CACNA1D: variants seen among roughly 807,000 people sequenced by gnomAD.
CACNA1D encodes the protein voltage-dependent L-type calcium channel subunit alpha-1D.
Under a neutral mutation model 257.1 loss-of-function variants are expected in CACNA1D, and 55 were observed. That is an observed-to-expected ratio of 0.21 (90% CI 0.17 to 0.27). The LOEUF is 0.27. Among genes scored for constraint, CACNA1D ranks in the 10% least tolerant of loss-of-function variants. CACNA1D has a pLI of 1.00. For missense variants in CACNA1D, 1,876 were observed against 2,784.0 expected, an observed-to-expected ratio of 0.67 and a Z score of 7.34; for synonymous variants, 980 against 1,014.9, an observed-to-expected ratio of 0.97 and a Z score of 0.65.
At chr3:53,686,969 T>C (rs1295248597) in intron 8 of CACNA1D, among the ~76,000 whole-genome samples, 1 of 151,994 alleles carries the variant, frequency 6.6e-6, no homozygotes. Flanking sequence ...GTATACAAAA[T>C]TCCATTTTAT....
At position 53,764,472 on chromosome 3, in the gene CACNA1D, G is replaced by A. The variant is rs367911965; in HGVS notation, c.3870+2391G>A. On this transcript the variant is annotated intron_variant, in intron 30 of 47. Transcript: ENST00000350061. ...CTCCCTGGACTGCTCAGCACTTCAA[G>A]TGCTGTGCAGGTGGTGGGTGTAAAC... 1.5e-4 allele frequency among the ~76,000 whole-genome samples: 23 copies of A among 152,360 alleles called. No individual in the cohort carries two copies. In the South Asian group the frequency reaches 4.6e-3, roughly 30 times the overall value.
intron 4 of CACNA1D, among the ~76,000 whole-genome samples, chr3:53,653,517 TAAAA>T (rs904574532): frequency 2.7e-5 from 4 of 150,398 alleles, no homozygotes; most frequent in Non-Finnish European, 5.9e-5. Flanking sequence ...TGGGACAATA[TAAAA>T]AAAAACAAAT....
intron 2 of CACNA1D, among the ~76,000 whole-genome samples, chr3:53,498,172 C>T (rs2090431194): frequency 6.6e-6 from 1 of 152,190 alleles, no homozygotes. Context: ...CCTCTTCCTC[C>T]TGGGCCCTTA....
At chr3:53,696,152 G>C (rs1031895615) in intron 8 of CACNA1D, among the ~76,000 whole-genome samples, 2 of 152,126 alleles carry the variant, frequency 1.3e-5, no homozygotes, top group Non-Finnish European at 2.9e-5. Flanking sequence ...TTATTTTGTA[G>C]AGATGGGGTC....
At position 53,803,553 on chromosome 3, in the gene CACNA1D, A is replaced by C; in HGVS notation, c.5566A>C (p.Ser1856Arg). The C allele has an allele frequency of 6.2e-7, 1 of 1,614,136 alleles. No homozygotes were observed. The change falls in exon 44 of 48, where the codon AGC (serine) becomes CGC (arginine). Residue 1856 changes from serine to arginine, a missense_variant. Ser to Arg is a moderately radical substitution (Grantham distance 110). Around this residue, in one of 10 missense-constraint regions of CACNA1D, gnomAD observed 491 missense variants for 554.3 expected, o/e 0.89. Transcript: ENST00000350061. ...FSSEECYEDDSSPTWSRQNYG... is the reference protein window; with the variant it reads ...FSSEECYEDDRSPTWSRQNYG... ...TAGTGAGGAATGCTACGAGGATGACAGCTCGCCCACCTGGAGCAGGTGAGC... is the reference window on the plus strand; with the variant it reads ...TAGTGAGGAATGCTACGAGGATGACCGCTCGCCCACCTGGAGCAGGTGAGC...
chr3:53,731,219 A>G (rs778371860), intron 17 of CACNA1D, 73 bp downstream of exon 17: 1 of 949,112 alleles, frequency 1.1e-6, no homozygotes, highest in Non-Finnish European at 1.7e-6. Flanking sequence ...TGTACCATTT[A>G]CACTGTGGAA....
chr3:53,788,894 T>C (rs943522967), intron 40 of CACNA1D, among the ~76,000 whole-genome samples: 1 of 152,176 alleles, frequency 6.6e-6, no homozygotes, highest in African/African-American at 2.4e-5. Context: ...TCATTTATAC[T>C]TTTTCTGAAC....
intron 8 of CACNA1D, among the ~76,000 whole-genome samples, chr3:53,691,175 G>C (rs1428216859): frequency 6.6e-6 from 1 of 151,140 alleles, no homozygotes; most frequent in Non-Finnish European, 1.5e-5. Context: ...GGGGGAGATG[G>C]AGTCTTGCTC....
At chr3:53,721,212 A>C (rs2094879624) in intron 11 of CACNA1D, among the ~76,000 whole-genome samples, 1 of 152,242 alleles carries the variant, frequency 6.6e-6, no homozygotes, top group Admixed American at 6.5e-5. Context: ...GAGTAATAAT[A>C]AAATACACCT....
chr3:53,750,019 G>A (rs1395172279), intron 27 of CACNA1D, among the ~76,000 whole-genome samples: 1 of 152,186 alleles, frequency 6.6e-6, no homozygotes, highest in African/African-American at 2.4e-5. Context: ...AGTGTCCTTT[G>A]GGGGGCAAAG....
intron 9 of CACNA1D, among the ~76,000 whole-genome samples, chr3:53,707,690 A>G (rs2094705268): frequency 6.6e-6 from 1 of 152,122 alleles, no homozygotes; most frequent in African/African-American, 2.4e-5. Flanking sequence ...TTTTTTAGAC[A>G]TATGCAGCTG....
intron 3 of CACNA1D, among the ~76,000 whole-genome samples, chr3:53,574,153 G>A (rs767456217): frequency 2.0e-5 from 3 of 152,188 alleles, no homozygotes; most frequent in Non-Finnish European, 4.4e-5. Context: ...CACGTTTCAG[G>A]TTGCCTCTGT....
At position 53,735,477 on chromosome 3, in the gene CACNA1D, A is replaced by G; in HGVS notation, c.2725A>G (p.Ile909Val). 6.2e-7 allele frequency: 1 copy of G among 1,613,894 alleles called. No homozygotes were observed. Among genetic ancestry groups the G allele is most frequent in the Non-Finnish European group, 8.5e-7 (1 of 1,179,874 alleles). ...SSAALAAEDP[I>V]RSHSFRNTIL... Reference sequence around the variant, plus strand: ...CGCTGCCCTGGCCGCAGAGGACCCCATCCGCAGCCACTCCTTCCGGAACAC... The same window carrying G: ...CGCTGCCCTGGCCGCAGAGGACCCCGTCCGCAGCCACTCCTTCCGGAACAC... Residue 909 changes from isoleucine (I) to valine (V), a missense_variant, in exon 20 of 48, where the codon ATC (isoleucine) becomes GTC (valine). Ile to Val is a conservative substitution (Grantham distance 29). Around this residue, in one of 10 missense-constraint regions of CACNA1D, gnomAD observed 271 missense variants for 425.5 expected, o/e 0.64. Coordinates refer to ENST00000350061, the MANE Select transcript of CACNA1D (RefSeq NM_001128840.3).
chr3:53,767,613 G>A (rs1256417160), intron 30 of CACNA1D, among the ~76,000 whole-genome samples: 2 of 150,712 alleles, frequency 1.3e-5, no homozygotes, highest in East Asian at 3.9e-4. Flanking sequence ...ATGCAGATAC[G>A]CCCCAGATCC....
chr3:53,650,777 A>G lies in CACNA1D; in HGVS notation c.484-2A>G. The G allele has an allele frequency of 1.2e-6, 2 of 1,613,978 alleles. No individual in the cohort carries two copies. Among genetic ancestry groups the G allele is most frequent in the Non-Finnish European group, 1.7e-6 (2 of 1,179,954 alleles). On this transcript the variant is annotated splice_acceptor_variant, in intron 3 of 47. Transcript: ENST00000350061. LOFTEE classifies it high-confidence loss of function. ...GGTATGTTTCTTTGTTTTTCTTCAC[A>G]GGAAAAAGTAGAATATGCCTTCCTG...
intron 3 of CACNA1D, among the ~76,000 whole-genome samples, chr3:53,599,837 C>T (rs1466390547): frequency 6.6e-6 from 1 of 152,202 alleles, no homozygotes; most frequent in Non-Finnish European, 1.5e-5. Context: ...AGGAAACCCA[C>T]CACCGTCTTG....
chr3:53,500,531 A>C (rs1575680316), intron 2 of CACNA1D, among the ~76,000 whole-genome samples: 1 of 152,084 alleles, frequency 6.6e-6, no homozygotes, highest in Non-Finnish European at 1.5e-5. Context: ...ATGAATGGAG[A>C]ATAGTCTGTT....
In CACNA1D at chr3:53,793,709, G is replaced by A. The variant is rs896038756; in HGVS notation, c.4924-6540G>A. ...AGGTTGGTAGCCAAGGCCAGCTTAG[G>A]AAAGACAGCCAGGAATCAGGAAAGC... On this transcript the variant is annotated intron_variant, in intron 40 of 47. Coordinates refer to ENST00000350061, the MANE Select transcript of CACNA1D (RefSeq NM_001128840.3). This position sits in a 1 kb window ranked among gnomAD's most constrained non-coding sequence, Gnocchi z 4.1. 3.3e-5 allele frequency among the ~76,000 whole-genome samples: 5 copies of A among 152,214 alleles called. No individual in the cohort carries two copies. Among genetic ancestry groups the A allele is most frequent in the African/African-American group, 9.6e-5 (4 of 41,460 alleles).
intron 8 of CACNA1D, among the ~76,000 whole-genome samples, chr3:53,675,703 A>T (rs2094368862): frequency 6.6e-6 from 1 of 151,704 alleles, no homozygotes; most frequent in South Asian, 2.1e-4. Flanking sequence ...AAAAAGGTAC[A>T]CTCCTTCATG....
Sources: gnomAD v4.1 joint callset for allele counts (sites outside exome capture counted in the v4.1 genomes callset) on GRCh38, gnomAD v4.1.1 for gene constraint, gnomAD v4.1.1 regional missense constraint, Gnocchi (gnomAD v3.1) non-coding constraint, MANE v1.5 for transcripts, NCBI Gene and HGNC (gene_info 2026-07-23, HGNC 2026-07-21) for gene names.